JDP2: variants seen among roughly 807,000 people sequenced by gnomAD.
JDP2 encodes progesterone receptor co-activator.
A neutral mutation model predicts 17.1 loss-of-function variants in JDP2; 9 were observed. The observed-to-expected ratio is 0.53, with a 90% CI of 0.32 to 0.92. The LOEUF (loss-of-function observed/expected upper bound fraction) is 0.92. Among genes scored for constraint, JDP2 ranks in the 40% least tolerant of loss-of-function variants. The pLI is 0.04. For missense variants in JDP2, 179 were observed against 220.0 expected (o/e 0.81, Z 1.18); for synonymous variants, 107 against 95.6 (o/e 1.12, Z -0.69).
intron 2 of JDP2, among the ~76,000 whole-genome samples, chr14:75,456,419 G>A (rs975587305): frequency 2.0e-5 from 3 of 152,198 alleles, no homozygotes; most frequent in African/African-American, 7.2e-5. Flanking sequence ...TCAGGGCCTG[G>A]TGAGGTGAGC....
At chr14:75,431,604 C>T (rs1002326705) in intron 1 of JDP2, among the ~76,000 whole-genome samples, 1 of 152,240 alleles carries the variant, frequency 6.6e-6, no homozygotes, top group African/African-American at 2.4e-5. Context: ...GAAACCGAGG[C>T]CGAGGGCAGG....
At chr14:75,445,571 G>A in intron 2 of JDP2, 1 of 985,406 alleles carries the variant, frequency 1.0e-6, no homozygotes, top group Non-Finnish European at 1.2e-6. Context: ...TGGCTCTGGA[G>A]AGTTCACTAG....
At chr14:75,460,616 G>A (rs868595194) in intron 2 of JDP2, among the ~76,000 whole-genome samples, 31 of 152,306 alleles carry the variant, frequency 2.0e-4, no homozygotes, top group Middle Eastern at 3.4e-3. Context: ...AGAAAAGGTC[G>A]TCACCGCCCG....
At chr14:75,454,020 C>A (rs546988354) in intron 2 of JDP2, among the ~76,000 whole-genome samples, 1 of 152,296 alleles carries the variant, frequency 6.6e-6, no homozygotes, top group African/African-American at 2.4e-5. Flanking sequence ...GTGGGTCCTG[C>A]AAGCTATGTT....
At chr14:75,446,031 T>C (rs551786884) in intron 2 of JDP2, among the ~76,000 whole-genome samples, 1 of 152,076 alleles carries the variant, frequency 6.6e-6, no homozygotes, top group Non-Finnish European at 1.5e-5. Context: ...AATATATAAA[T>C]GGCAACTAAG....
At chr14:75,441,913 G>A (rs1425382010) in intron 2 of JDP2, among the ~76,000 whole-genome samples, 1 of 152,004 alleles carries the variant, frequency 6.6e-6, no homozygotes, top group African/African-American at 2.4e-5. Context: ...CCTGCCTCTG[G>A]GTCTGGAATG....
intron 2 of JDP2, among the ~76,000 whole-genome samples, chr14:75,450,919 T>C (rs175643): frequency 0.76 from 114,928 of 152,104 alleles, 43,873 homozygotes; most frequent in African/African-American, 0.85. Context: ...GCCTACAGGG[T>C]GTGAAAATCA....
At position 75,466,166 on chromosome 14, in the gene JDP2, C is replaced by T. The variant is rs919092892; in HGVS notation, c.307-3124C>T. On this transcript the variant is annotated intron_variant, in intron 3 of 3. Coordinates refer to ENST00000651602, the MANE Select transcript of JDP2 (RefSeq NM_001135048.2). ...GGCAGTTAGTTACATTCTGGCTGGG[C>T]GCGGTGGCTCATGCCTGTAATCCCA... Among the ~76,000 whole-genome samples the T allele has an allele frequency of 1.8e-4, 28 of 152,142 alleles. 1 individual carries two copies. The highest frequency in any genetic ancestry group is 1.6e-3 in the Admixed American group (25 of 15,268).
chr14:75,468,853 C>T (rs778176774), intron 3 of JDP2, among the ~76,000 whole-genome samples: 34 of 152,404 alleles, frequency 2.2e-4, no homozygotes, highest in Non-Finnish European at 5.0e-4. Flanking sequence ...GTTGCCGTTA[C>T]ACTGCCATCT....
At chr14:75,431,281 G>A (rs183521478) in intron 1 of JDP2, among the ~76,000 whole-genome samples, 124 of 152,364 alleles carry the variant, frequency 8.1e-4, no homozygotes, top group Non-Finnish European at 1.4e-3. Flanking sequence ...ACAAAGCGAT[G>A]TTATAGGCAA....
chr14:75,433,580 T>A (rs1469558507), intron 1 of JDP2, among the ~76,000 whole-genome samples: 1 of 150,822 alleles, frequency 6.6e-6, no homozygotes, highest in East Asian at 2.0e-4. Context: ...TCTTTCCTCT[T>A]GGATCCATCT....
At chr14:75,426,950 T>C (rs1005760447), upstream of JDP2, 3 of 152,216 alleles carry the variant, frequency 2.0e-5, no homozygotes, top group African/African-American at 7.2e-5. The surrounding 1 kb of genome is among the most constrained non-coding windows in gnomAD (Gnocchi z 4.2). Flanking sequence ...GTCACTCCTA[T>C]CTGGCTTAGG....
At chr14:75,434,155 C>T (rs530895136) in intron 1 of JDP2, among the ~76,000 whole-genome samples, 95 of 152,294 alleles carry the variant, frequency 6.2e-4, no homozygotes, top group Admixed American at 1.2e-3. Context: ...CCCACTCCCC[C>T]TTTTTTATAG....
intron 2 of JDP2, among the ~76,000 whole-genome samples, chr14:75,459,700 A>T (rs555193033): frequency 1.2e-4 from 19 of 152,282 alleles, no homozygotes; most frequent in South Asian, 4.1e-4. Flanking sequence ...GAGAAGTGAG[A>T]GAGTTGGCAA....
In JDP2 at chr14:75,469,731, G is replaced by C. The variant is rs911668225; in HGVS notation, c.*256G>C. ...CCTCGGGTAGGGTTGTCCTGCCTGG[G>C]GCCCCACTTGAAGGAGGCAGGACAG... On this transcript the variant is annotated 3_prime_UTR_variant, in exon 4 of 4. Coordinates refer to ENST00000651602, the MANE Select transcript of JDP2 (RefSeq NM_001135048.2). 4 of 458,078 alleles carry C rather than the reference G, an allele frequency of 8.7e-6. No homozygotes were observed. The highest frequency in any genetic ancestry group is 1.6e-5 in the Non-Finnish European group (4 of 253,844). 28.4% of individuals were successfully genotyped at this position (458,078 alleles called of 1,614,324 possible). A position where few individuals can be genotyped will look rare whatever the true frequency, so the allele number is the denominator to read the frequency against.
At chr14:75,462,827 T>A (rs529545200) in intron 3 of JDP2, among the ~76,000 whole-genome samples, 1 of 152,326 alleles carries the variant, frequency 6.6e-6, no homozygotes, top group South Asian at 2.1e-4. Flanking sequence ...TGGGGCCGTG[T>A]ATCTACCTCC....
At chr14:75,441,175 G>T (rs1019517986) in intron 2 of JDP2, among the ~76,000 whole-genome samples, 2 of 152,136 alleles carry the variant, frequency 1.3e-5, no homozygotes, top group Non-Finnish European at 2.9e-5. Context: ...CGGCTGAGCC[G>T]CTGTGCGGGC....
At chr14:75,434,142 C>T (rs764625280) in intron 1 of JDP2, among the ~76,000 whole-genome samples, 1 of 152,138 alleles carries the variant, frequency 6.6e-6, no homozygotes. Flanking sequence ...ACCTCCACTG[C>T]CCCCCACTCC....
chr14:75,470,671 C>T lies in JDP2; in HGVS notation c.*1196C>T, dbSNP rs1263150397. 2 of 152,172 alleles carry T rather than the reference C, an allele frequency of 1.3e-5. No homozygotes were observed. The highest frequency in any genetic ancestry group is 3.9e-4 in the East Asian group (2 of 5,192). The allele number at this position is 152,172 out of a possible 1,614,324, so 9.4% of individuals were successfully genotyped here. A position where few individuals can be genotyped will look rare whatever the true frequency, so the allele number is the denominator to read the frequency against. Reference sequence around the variant, plus strand: ...TCACTCTGCAGATGTTTTCTGAGGGCCTGTTGTGTGTGCCAGGCCCTGAGA... The same window carrying T: ...TCACTCTGCAGATGTTTTCTGAGGGTCTGTTGTGTGTGCCAGGCCCTGAGA... On this transcript the variant is annotated 3_prime_UTR_variant, in exon 4 of 4. Transcript: ENST00000651602.
Sources: gnomAD v4.1 joint callset for allele counts (sites outside exome capture counted in the v4.1 genomes callset) on GRCh38, gnomAD v4.1.1 for gene constraint, Gnocchi (gnomAD v3.1) non-coding constraint, MANE v1.5 for transcripts, NCBI Gene and HGNC (gene_info 2026-07-23, HGNC 2026-07-21) for gene names.